RELCH: variants seen among roughly 807,000 people sequenced by gnomAD.
RELCH encodes RAB11 binding and LisH domain, coiled-coil and HEAT repeat containing.
Under a neutral mutation model 150.3 loss-of-function variants are expected in RELCH, and 41 were observed. The ratio of observed to expected loss-of-function variants is 0.27; its 90% CI spans 0.21 to 0.35. The LOEUF (loss-of-function observed/expected upper bound fraction) is 0.35, where lower values mean the gene tolerates loss of function less well. Ranked by LOEUF, RELCH falls within the 10% of genes least tolerant of loss-of-function variation. The pLI is 1.00. For missense variants in RELCH, 1,092 were observed against 1,467.8 expected, an observed-to-expected ratio of 0.74 and a Z score of 4.18; for synonymous variants, 478 against 531.8, an observed-to-expected ratio of 0.90 and a Z score of 1.39.
At chr18:62,194,657 C>A (rs1163869504) in intron 1 of RELCH, among the ~76,000 whole-genome samples, 2 of 152,106 alleles carry the variant, frequency 1.3e-5, no homozygotes, top group Admixed American at 1.3e-4. Flanking sequence ...TTTAAAGGTC[C>A]TCTATATATT....
chr18:62,305,639 G>T lies in RELCH; in HGVS notation c.*105G>T, dbSNP rs1045941. 49,142 of 1,208,114 alleles carry T rather than the reference G, an allele frequency of 0.041. 1,291 individuals carry two copies. The highest frequency in any genetic ancestry group is 0.085 in the Middle Eastern group (420 of 4,962). The allele number at this position is 1,208,114 out of a possible 1,614,324, so 74.8% of individuals were successfully genotyped here. A position where few individuals can be genotyped will look rare whatever the true frequency, so the allele number is the denominator to read the frequency against. On this transcript the variant is annotated 3_prime_UTR_variant, in exon 29 of 29. Transcript: ENST00000644646. This position sits in a 1 kb window ranked among gnomAD's most constrained non-coding sequence, Gnocchi z 4.0. ...TTTGTTTCCTCAGTTTTATGTTCTT[G>T]CATTATAATTTTATCCTAACCTCCA...
chr18:62,299,470 T>C (rs1202970213), intron 28 of RELCH, among the ~76,000 whole-genome samples: 1 of 152,178 alleles, frequency 6.6e-6, no homozygotes, highest in Non-Finnish European at 1.5e-5. Context: ...TTTTTAAGGC[T>C]AACTACTGGG....
chr18:62,291,102 A>G lies in RELCH; in HGVS notation c.3371-441A>G, dbSNP rs78227542. On this transcript the variant is annotated intron_variant, in intron 26 of 28. Coordinates refer to ENST00000644646, the MANE Select transcript of RELCH (RefSeq NM_001346231.2). ...TTTCTAGATTTTTATATTTTTCTCA[A>G]TCGTTTACAATTGTCTTATACGTAA... 2.5e-4 allele frequency among the ~76,000 whole-genome samples: 38 copies of G among 152,276 alleles called. No homozygotes were observed. The East Asian group carries it at 6.0e-3, about 24-fold the overall frequency.
chr18:62,202,776 GAA>G (rs2039534100), intron 1 of RELCH, among the ~76,000 whole-genome samples: 1 of 152,094 alleles, frequency 6.6e-6, no homozygotes, highest in Non-Finnish European at 1.5e-5. Context: ...GAAGGAAGAT[GAA>G]AAAGACTTAG....
intron 28 of RELCH, among the ~76,000 whole-genome samples, chr18:62,304,588 G>A (rs2045802273): frequency 6.6e-6 from 1 of 152,174 alleles, no homozygotes; most frequent in South Asian, 2.1e-4. Flanking sequence ...TTACAGATGA[G>A]GAAACTGAGT....
At chr18:62,219,325 C>CTTTTTTTTTTTTTTTT (rs202196452) in intron 2 of RELCH, among the ~76,000 whole-genome samples, 21 of 112,852 alleles carry the variant, frequency 1.9e-4, no homozygotes, top group East Asian at 2.5e-4. Flanking sequence ...TTCTTTTTTT[C>CTTTTTTTTTTTTTTTT]TTTTTTTTTT....
chr18:62,281,228 C>T (rs554020278), intron 24 of RELCH, among the ~76,000 whole-genome samples: 3 of 152,222 alleles, frequency 2.0e-5, no homozygotes, highest in East Asian at 1.9e-4. Flanking sequence ...TTCTATTACC[C>T]GGTAGGCTTC....
At chr18:62,199,431 A>G (rs1429766768) in intron 1 of RELCH, among the ~76,000 whole-genome samples, 1 of 152,244 alleles carries the variant, frequency 6.6e-6, no homozygotes, top group Non-Finnish European at 1.5e-5. Context: ...CATGCCTAGC[A>G]TAAATGCCTA....
intron 1 of RELCH, among the ~76,000 whole-genome samples, chr18:62,199,239 ATCT>A (rs1308838829): frequency 6.7e-6 from 1 of 148,416 alleles, no homozygotes; most frequent in Non-Finnish European, 1.5e-5. Flanking sequence ...TGATCTCTAA[ATCT>A]TCTGTACTTG....
At chr18:62,288,961 C>T (rs911300179) in intron 26 of RELCH, among the ~76,000 whole-genome samples, 5 of 152,072 alleles carry the variant, frequency 3.3e-5, no homozygotes, top group African/African-American at 1.2e-4. Flanking sequence ...AAAACTTACA[C>T]AAAACGTTAT....
At chr18:62,280,594 T>C (rs377303112) in intron 23 of RELCH, 52 bp from the exon 24 acceptor site, 23 of 1,393,934 alleles carry the variant, frequency 1.7e-5, no homozygotes, top group Non-Finnish European at 2.0e-5. Context: ...ATTTTAATAA[T>C]ACTCGTTGTT....
chr18:62,258,442 C>A, intron 14 of RELCH, 70 bp from the exon 15 acceptor site: 1 of 1,301,612 alleles, frequency 7.7e-7, no homozygotes, highest in South Asian at 1.4e-5. Flanking sequence ...ATTTTTATTA[C>A]TTTTTATTAA....
rs112080934 is a variant in RELCH, at chr18:62,298,093, T to TCCCC, written c.3460-692_3460-689dup. On this transcript the variant is annotated intron_variant, in intron 27 of 28. Transcript: ENST00000644646. ...AATATTGTCTGTTTTATTTGCTTTA[T>TCCCC]CCCCCCCCGTCTAAAAAGATACCTA... Among the ~76,000 whole-genome samples, 776 of 149,426 alleles carry TCCCC rather than the reference T, an allele frequency of 5.2e-3. 4 individuals are homozygous for TCCCC. Among genetic ancestry groups the TCCCC allele is most frequent in the African/African-American group, 0.018 (708 of 39,760 alleles).
rs1232254434 is a variant in RELCH, at chr18:62,224,200, T to G, written c.858+2703T>G. Among the ~76,000 whole-genome samples the G allele has an allele frequency of 3.3e-5, 5 of 152,222 alleles. No individual in the cohort carries two copies. In the South Asian group the frequency reaches 6.2e-4, roughly 19 times the overall value. ...GATCTAATTGTTCAATTCCCACCTGTGAATGAGAACATGCAGTGCTTGGTT... is the reference window on the plus strand; with the variant it reads ...GATCTAATTGTTCAATTCCCACCTGGGAATGAGAACATGCAGTGCTTGGTT... On this transcript the variant is annotated intron_variant, in intron 5 of 28. Coordinates refer to ENST00000644646, the MANE Select transcript of RELCH (RefSeq NM_001346231.2).
chr18:62,242,638 C>T (rs1259140839), intron 10 of RELCH, among the ~76,000 whole-genome samples: 1 of 152,082 alleles, frequency 6.6e-6, no homozygotes, highest in African/African-American at 2.4e-5. Context: ...CAGTTTGGCA[C>T]ATCTGTAGCC....
chr18:62,251,058 A>T (rs969606838), intron 11 of RELCH, among the ~76,000 whole-genome samples: 20 of 152,276 alleles, frequency 1.3e-4, no homozygotes, highest in African/African-American at 4.6e-4. Context: ...GCAAAGTCTT[A>T]CTTAGAATTT....
chr18:62,255,516 C>A, intron 13 of RELCH, 38 bp downstream of exon 13: 1 of 1,460,722 alleles, frequency 6.8e-7, no homozygotes, highest in Non-Finnish European at 9.4e-7. Context: ...AACTATTTTT[C>A]CAATAATAGA....
Position 62,187,583 on chromosome 18 carries a change from T to C in RELCH, c.78T>C (p.Asp26=). 6.5e-7 allele frequency: 1 copy of C among 1,527,456 alleles called. No homozygotes were observed. Among genetic ancestry groups the C allele is most frequent in the East Asian group, 2.3e-5 (1 of 44,066 alleles). The allele number at this position is 1,527,456 out of a possible 1,614,324, so 94.6% of individuals were successfully genotyped here. A position where few individuals can be genotyped will look rare whatever the true frequency, so the allele number is the denominator to read the frequency against. ...NPFLSDSDED[D]DEVAATEERR... is the part of the protein sequence containing the mutation. ...TTCTCAGTGATTCGGATGAGGACGA[T>C]GACGAGGTAGCTGCAACAGAGGAAC... Residue 26 remains aspartate (D), a synonymous_variant, in exon 1 of 29, where the codon GAT becomes GAC. Transcript: ENST00000644646.
intron 1 of RELCH, among the ~76,000 whole-genome samples, chr18:62,197,490 T>G (rs1008418095): frequency 2.6e-5 from 4 of 152,188 alleles, no homozygotes; most frequent in Admixed American, 1.3e-4. Context: ...CAGCCTTGTC[T>G]AAAAATACAC....
Sources: allele counts gnomAD v4.1 joint callset (sites outside exome capture counted in the v4.1 genomes callset), GRCh38; gene constraint gnomAD v4.1.1; non-coding constraint Gnocchi (gnomAD v3.1); transcripts MANE v1.5; gene names NCBI Gene and HGNC (gene_info 2026-07-23, HGNC 2026-07-21).